Variants in PIWIL2 observed in about 807,000 individuals in gnomAD.
PIWIL2 encodes the protein piwi-like protein 2.
A neutral mutation model predicts 116.5 loss-of-function variants in PIWIL2; 81 were observed. The observed-to-expected ratio is 0.70, with a 90% CI of 0.58 to 0.84. The LOEUF (loss-of-function observed/expected upper bound fraction) is 0.84. Ranked by LOEUF, PIWIL2 falls within the 40% of genes least tolerant of loss-of-function variation. The probability of loss-of-function intolerance (pLI) is 0.00; values close to 1 mark genes in which losing one functional copy is unlikely to be tolerated. For missense variants in PIWIL2, 1,272 were observed against 1,212.3 expected (o/e 1.05, Z -0.73); for synonymous variants, 489 against 429.5 (o/e 1.14, Z -1.71).
At chr8:22,347,522 T>A (rs1586599365) in intron 20 of PIWIL2, among the ~76,000 whole-genome samples, 2 of 139,340 alleles carry the variant, frequency 1.4e-5, no homozygotes, top group East Asian at 4.3e-4. Context: ...TGGCCTTTTT[T>A]TTTTTTTTTT....
intron 10 of PIWIL2, among the ~76,000 whole-genome samples, chr8:22,302,373 G>A (rs1200422654): frequency 6.6e-6 from 1 of 151,986 alleles, no homozygotes; most frequent in Non-Finnish European, 1.5e-5. Context: ...GTAGAAATGG[G>A]TTTCATCATG....
At chr8:22,326,697 A>G (rs1180806108) in intron 20 of PIWIL2, among the ~76,000 whole-genome samples, 3 of 152,182 alleles carry the variant, frequency 2.0e-5, no homozygotes, top group African/African-American at 4.8e-5. Flanking sequence ...TGGCTGTATA[A>G]TATTCCATTG....
chr8:22,322,715 A>G (rs957384010), intron 20 of PIWIL2, among the ~76,000 whole-genome samples: 5 of 151,616 alleles, frequency 3.3e-5, no homozygotes, highest in African/African-American at 9.7e-5. Context: ...TCAGTTTTGT[A>G]TTTTTAGTAG....
Position 22,315,094 on chromosome 8 carries a change from TCAGATTAA to T in PIWIL2, c.2159_2166del (p.Gln720LeufsTer2). On this transcript the variant is annotated frameshift_variant, in exon 18 of 23. Coordinates refer to ENST00000356766, the MANE Select transcript of PIWIL2 (RefSeq NM_018068.5). LOFTEE classifies it high-confidence loss of function. ...GGAGTGTGGCCCAGAAGATTTTACT[TCAGATTAA>T]CTGTAAATTGGGTGGTGAGCTCTGG... is the stretch of plus-strand genomic sequence containing the variant. 6.2e-7 allele frequency: 1 copy of T among 1,613,370 alleles called. No individual in the cohort carries two copies. The highest frequency in any genetic ancestry group is 8.5e-7 in the Non-Finnish European group (1 of 1,179,306).
At chr8:22,354,995 A>G (rs962968275) in intron 22 of PIWIL2, among the ~76,000 whole-genome samples, 3 of 151,566 alleles carry the variant, frequency 2.0e-5, no homozygotes, top group Admixed American at 1.3e-4. Flanking sequence ...ACTTGAATCC[A>G]GGAGGAGGAG....
chr8:22,285,904 C>A (rs1401720714), intron 6 of PIWIL2, among the ~76,000 whole-genome samples: 1 of 152,142 alleles, frequency 6.6e-6, no homozygotes, highest in African/African-American at 2.4e-5. Context: ...CTCGGCCTCC[C>A]AAAGTGCTGG....
chr8:22,326,197 C>CTGCT (rs1434501375), intron 20 of PIWIL2, among the ~76,000 whole-genome samples: 1 of 151,422 alleles, frequency 6.6e-6, no homozygotes, highest in African/African-American at 2.4e-5. Flanking sequence ...TCAACATGTC[C>CTGCT]TGCTTGCTTG....
At chr8:22,314,991 CCTG>C (rs1257598436) in intron 17 of PIWIL2, 35 bp from the exon 18 acceptor site, 1 of 1,125,746 alleles carries the variant, frequency 8.9e-7, no homozygotes, top group South Asian at 1.3e-5. Flanking sequence ...TTGATAGTGA[CCTG>C]CTTCTCCTGA....
intron 20 of PIWIL2, among the ~76,000 whole-genome samples, chr8:22,345,344 A>G (rs902949584): frequency 1.3e-5 from 2 of 152,238 alleles, no homozygotes; most frequent in African/African-American, 2.4e-5. Context: ...TAGCAACATT[A>G]TTCATAATGG....
intron 20 of PIWIL2, among the ~76,000 whole-genome samples, chr8:22,343,935 G>A (rs547289998): frequency 1.5e-4 from 23 of 152,288 alleles, no homozygotes; most frequent in Middle Eastern, 3.4e-3. Flanking sequence ...AAACTTGCAC[G>A]TGAATGTTTG....
intron 10 of PIWIL2, among the ~76,000 whole-genome samples, chr8:22,296,618 C>T (rs985659893): frequency 3.3e-5 from 5 of 152,170 alleles, no homozygotes; most frequent in African/African-American, 1.2e-4. Context: ...CTCCATCGTC[C>T]TTGCTTTTAG....
At chr8:22,303,365 T>TATTTCAA (rs1831097345) in intron 10 of PIWIL2, among the ~76,000 whole-genome samples, 1 of 152,302 alleles carries the variant, frequency 6.6e-6, no homozygotes, top group African/African-American at 2.4e-5. Flanking sequence ...ATTTGATGAG[T>TATTTCAA]ATTTCAAAGT....
chr8:22,341,026 T>C (rs1443835699), intron 20 of PIWIL2, among the ~76,000 whole-genome samples: 4 of 152,182 alleles, frequency 2.6e-5, no homozygotes, highest in African/African-American at 4.8e-5. Context: ...GATTTGTTCA[T>C]AGAGCCTTTA....
In PIWIL2 at chr8:22,279,453, C is replaced by T. The variant is rs375849565; in HGVS notation, c.67C>T (p.Arg23Trp). The T allele has an allele frequency of 3.9e-5, 63 of 1,613,876 alleles. No homozygotes were observed. The highest frequency in any genetic ancestry group is 3.3e-4 in the Middle Eastern group (2 of 6,084). ...CCACCCATCCCAGTGCCAGGCTGTA[C>T]GGATGCCAGGCTGTTGGCCACAAGC... ...PIHPSQCQAV[R>W]MPGCWPQASK... Residue 23 changes from arginine to tryptophan, a missense_variant, in exon 2 of 23, where the codon CGG (arginine) becomes TGG (tryptophan). By Grantham distance (101) the Arg-to-Trp change is moderately radical (BLOSUM62 -3). Transcript: ENST00000356766.
chr8:22,328,587 T>C (rs1831781659), intron 20 of PIWIL2, among the ~76,000 whole-genome samples: 1 of 152,184 alleles, frequency 6.6e-6, no homozygotes, highest in South Asian at 2.1e-4. Flanking sequence ...TCTATTTATT[T>C]AGATCTTTTT....
chr8:22,302,771 T>C (rs1831082441), intron 10 of PIWIL2, among the ~76,000 whole-genome samples: 1 of 152,172 alleles, frequency 6.6e-6, no homozygotes, highest in South Asian at 2.1e-4. Flanking sequence ...CCCATCTTTT[T>C]TGGCTTTTAA....
At chr8:22,282,388 T>C (rs1830530565) in intron 4 of PIWIL2, among the ~76,000 whole-genome samples, 1 of 151,776 alleles carries the variant, frequency 6.6e-6, no homozygotes, top group African/African-American at 2.4e-5. Context: ...GGGTTTCATC[T>C]TATTAGCCAG....
chr8:22,345,213 A>G (rs1476920954), intron 20 of PIWIL2, among the ~76,000 whole-genome samples: 1 of 152,254 alleles, frequency 6.6e-6, no homozygotes, highest in African/African-American at 2.4e-5. Context: ...AAAGTTAAAC[A>G]GATTTACCAC....
intron 10 of PIWIL2, among the ~76,000 whole-genome samples, chr8:22,297,158 T>C (rs1830926889): frequency 6.6e-6 from 1 of 152,056 alleles, no homozygotes; most frequent in South Asian, 2.1e-4. Context: ...CTGGCTAATG[T>C]TTTAATTTTT....
Sources: allele counts gnomAD v4.1 joint callset (sites outside exome capture counted in the v4.1 genomes callset), GRCh38; gene constraint gnomAD v4.1.1; transcripts MANE v1.5; gene names NCBI Gene and HGNC (gene_info 2026-07-23, HGNC 2026-07-21).